ROR2: variants seen among roughly 807,000 people sequenced by gnomAD.
ROR2 encodes the protein ROR family WNT receptor 2.
A neutral mutation model predicts 74.9 loss-of-function variants in ROR2; 33 were observed. That is an observed-to-expected ratio of 0.44 (90% CI 0.33 to 0.59). The LOEUF is 0.59. ROR2 is among the 20% of genes least tolerant of loss of function. ROR2 has a pLI of 0.02. For missense variants in ROR2, 1,216 were observed against 1,313.8 expected, an observed-to-expected ratio of 0.93 and a Z score of 1.15; for synonymous variants, 586 against 558.7, an observed-to-expected ratio of 1.05 and a Z score of -0.69.
At position 91,730,937 on chromosome 9, in the gene ROR2, T is replaced by C. The variant is rs147599006; in HGVS notation, c.1156A>G (p.Met386Val). 1.9e-6 allele frequency: 3 copies of C among 1,613,998 alleles called. No homozygotes were observed. Among genetic ancestry groups the C allele is most frequent in the East Asian group, 2.2e-5 (1 of 44,890 alleles). Reference protein sequence around the residue: ...WCFTQNKNVRMELCDVPSCSP... With the variant: ...WCFTQNKNVRVELCDVPSCSP... Reference sequence around the variant, plus strand: ...CACGAGGGTACGTCACACAGTTCCATGCGTACGTTTTTATTCTGCGTAAAG... The same window carrying C: ...CACGAGGGTACGTCACACAGTTCCACGCGTACGTTTTTATTCTGCGTAAAG... The change falls in exon 7 of 9, where the codon ATG (methionine) becomes GTG (valine). Residue 386 changes from methionine (M) to valine (V), a missense_variant. Transcript: ENST00000375708.
Position 91,724,792 on chromosome 9 carries a change from G to A in ROR2, c.1702C>T (p.Arg568Cys), listed in dbSNP as rs372409286. The change falls in exon 9 of 9, where the codon CGC becomes TGC. Residue 568 changes from arginine to cysteine, a missense_variant. Coordinates refer to ENST00000375708, the MANE Select transcript of ROR2 (RefSeq NM_004560.4). Reference protein sequence around the residue: ...HGDLHEFLVMRSPHSDVGSTD... With the variant: ...HGDLHEFLVMCSPHSDVGSTD... ...CTGCCCACGTCCGAGTGCGGCGAGCGCATGACCAGGAATTCGTGGAGGTCG... is the reference window on the plus strand; with the variant it reads ...CTGCCCACGTCCGAGTGCGGCGAGCACATGACCAGGAATTCGTGGAGGTCG... 1.8e-5 allele frequency: 29 copies of A among 1,610,240 alleles called. No individual in the cohort carries two copies. Among genetic ancestry groups the A allele is most frequent in the Non-Finnish European group, 2.2e-5 (26 of 1,177,012 alleles).
chr9:91,917,918 A>C (rs1431004754), intron 1 of ROR2, among the ~76,000 whole-genome samples: 1 of 152,222 alleles, frequency 6.6e-6, no homozygotes, highest in African/African-American at 2.4e-5. Flanking sequence ...TTCTTGTATC[A>C]AACTGAAATT....
chr9:91,827,759 G>A (rs1372112440), intron 1 of ROR2, among the ~76,000 whole-genome samples: 3 of 152,214 alleles, frequency 2.0e-5, no homozygotes, highest in South Asian at 4.1e-4. Context: ...TAACCAAAAC[G>A]TGTTCCATCG....
intron 1 of ROR2, among the ~76,000 whole-genome samples, chr9:91,824,327 C>A (rs764858177): frequency 3.3e-5 from 5 of 152,220 alleles, no homozygotes; most frequent in Non-Finnish European, 7.4e-5. Flanking sequence ...GTGCTTCCTG[C>A]TAGAGGGGCC....
At chr9:91,785,655 T>G (rs1400062774) in intron 1 of ROR2, among the ~76,000 whole-genome samples, 2 of 152,246 alleles carry the variant, frequency 1.3e-5, no homozygotes, top group Non-Finnish European at 2.9e-5. Context: ...CTGCTCCAGA[T>G]GTGGGGTGGT....
chr9:91,817,170 C>G (rs553672097), intron 1 of ROR2, among the ~76,000 whole-genome samples: 2 of 152,138 alleles, frequency 1.3e-5, no homozygotes, highest in Admixed American at 6.5e-5. Context: ...GCTGGTGAGG[C>G]GGTTGGCTTG....
intron 1 of ROR2, among the ~76,000 whole-genome samples, chr9:91,828,335 C>A (rs899515701): frequency 5.3e-5 from 8 of 152,168 alleles, no homozygotes; most frequent in Admixed American, 2.6e-4. Context: ...CATAGGAAAT[C>A]TTCTCCAATA....
intron 1 of ROR2, among the ~76,000 whole-genome samples, chr9:91,883,941 G>T (rs1453350856): frequency 1.3e-5 from 2 of 151,978 alleles, no homozygotes; most frequent in Admixed American, 1.3e-4. Context: ...AAATCTCAGG[G>T]GATTTCACAC....
At chr9:91,935,198 C>T (rs1253888825) in intron 1 of ROR2, among the ~76,000 whole-genome samples, 1 of 152,186 alleles carries the variant, frequency 6.6e-6, no homozygotes, top group African/African-American at 2.4e-5. Flanking sequence ...CATGGATACC[C>T]CACCTCCGGC....
intron 1 of ROR2, among the ~76,000 whole-genome samples, chr9:91,801,923 A>AG (rs1827393293): frequency 6.6e-6 from 1 of 152,194 alleles, no homozygotes; most frequent in East Asian, 1.9e-4. Context: ...CGCGCACAGC[A>AG]GGTTCTCAGC....
chr9:91,913,136 GAAAC>G (rs376303441), intron 1 of ROR2, among the ~76,000 whole-genome samples: 79 of 151,428 alleles, frequency 5.2e-4, no homozygotes, highest in African/African-American at 1.2e-3. Context: ...ATCTAAACAA[GAAAC>G]AAACAAACAA....
intron 4 of ROR2, among the ~76,000 whole-genome samples, chr9:91,745,426 A>ATTTTTTTTTTTTTTTTTT (rs72432798): frequency 1.0e-5 from 1 of 99,760 alleles, no homozygotes; most frequent in Non-Finnish European, 1.8e-5. Context: ...TGCCCAGCCT[A>ATTTTTTTTTTTTTTTTTT]TTTTTTTTTT....
At chr9:91,911,147 T>C (rs532442958) in intron 1 of ROR2, among the ~76,000 whole-genome samples, 1 of 152,330 alleles carries the variant, frequency 6.6e-6, no homozygotes, top group South Asian at 2.1e-4. Context: ...CACCTGTTCC[T>C]TTGAAAATAT....
At chr9:91,811,744 C>T (rs1286009689) in intron 1 of ROR2, among the ~76,000 whole-genome samples, 1 of 152,236 alleles carries the variant, frequency 6.6e-6, no homozygotes, top group Non-Finnish European at 1.5e-5. Flanking sequence ...CCCTGCACTC[C>T]CTCAGCCTCC....
intron 1 of ROR2, among the ~76,000 whole-genome samples, chr9:91,852,182 T>G (rs1283221698): frequency 6.6e-6 from 1 of 152,194 alleles, no homozygotes; most frequent in Non-Finnish European, 1.5e-5. Flanking sequence ...TCTAAGTTGG[T>G]CCTGAATCCT....
intron 1 of ROR2, among the ~76,000 whole-genome samples, chr9:91,897,249 A>G (rs1224364809): frequency 6.6e-6 from 1 of 152,246 alleles, no homozygotes; most frequent in East Asian, 1.9e-4. Context: ...TAGCAATTAA[A>G]CTTATACAAT....
chr9:91,942,728 T>C (rs1263711670), intron 1 of ROR2, among the ~76,000 whole-genome samples: 1 of 152,178 alleles, frequency 6.6e-6, no homozygotes, highest in African/African-American at 2.4e-5. Context: ...CAATCACTGG[T>C]GTCCTTACAA....
chr9:91,797,837 C>A (rs1427037860), intron 1 of ROR2, among the ~76,000 whole-genome samples: 4 of 17,840 alleles, frequency 2.2e-4, no homozygotes, highest in African/African-American at 1.2e-3. Context: ...GGGAATGACA[C>A]ACTGGGCTTT....
intron 1 of ROR2, among the ~76,000 whole-genome samples, chr9:91,943,812 T>C: frequency 6.6e-6 from 1 of 152,238 alleles, no homozygotes; most frequent in Admixed American, 6.5e-5. Flanking sequence ...TAGTGATTTA[T>C]TTTTTGAACT....
Sources: allele counts gnomAD v4.1 joint callset (sites outside exome capture counted in the v4.1 genomes callset), GRCh38; gene constraint gnomAD v4.1.1; transcripts MANE v1.5; gene names NCBI Gene and HGNC (gene_info 2026-07-23, HGNC 2026-07-21).